Variants in PCSK5 observed in about 807,000 individuals in gnomAD.
PCSK5 encodes prohormone convertase 5.
A neutral mutation model predicts 233.2 loss-of-function variants in PCSK5; 129 were observed. That is an observed-to-expected ratio of 0.55 (90% CI 0.48 to 0.64). The LOEUF (loss-of-function observed/expected upper bound fraction) is 0.64. Among genes scored for constraint, PCSK5 ranks in the 30% least tolerant of loss-of-function variants. The pLI, the probability that PCSK5 is intolerant of heterozygous loss-of-function variation, is 0.00. For synonymous variants in PCSK5, 825 were observed against 879.2 expected, an observed-to-expected ratio of 0.94 and a Z score of 1.09; for missense variants, 2,076 against 2,430.1, an observed-to-expected ratio of 0.85 and a Z score of 3.06.
intron 33 of PCSK5, 70 bp downstream of exon 33, chr9:76,328,309 T>C: frequency 4.6e-6 from 5 of 1,089,688 alleles, no homozygotes; most frequent in Non-Finnish European, 7.1e-6. Context: ...CACTGCCTTG[T>C]CCAGTAGATA....
At chr9:76,193,009 C>T (rs1205082822) in intron 20 of PCSK5, among the ~76,000 whole-genome samples, 2 of 150,844 alleles carry the variant, frequency 1.3e-5, no homozygotes, top group African/African-American at 2.4e-5. Flanking sequence ...AAATGGATAC[C>T]AATTACATTT....
At chr9:76,118,760 A>G (rs1022894154) in intron 9 of PCSK5, among the ~76,000 whole-genome samples, 3 of 152,026 alleles carry the variant, frequency 2.0e-5, no homozygotes, top group Non-Finnish European at 4.4e-5. Flanking sequence ...ATATATATAA[A>G]TCATGCAGAC....
chr9:75,950,622 T>G (rs1390119299), intron 2 of PCSK5, among the ~76,000 whole-genome samples: 2 of 152,132 alleles, frequency 1.3e-5, no homozygotes, highest in Non-Finnish European at 2.9e-5. Flanking sequence ...TAAAATACTT[T>G]ACAGACAAGC....
At chr9:76,043,928 T>C (rs1432550460) in intron 5 of PCSK5, among the ~76,000 whole-genome samples, 1 of 152,144 alleles carries the variant, frequency 6.6e-6, no homozygotes, top group African/African-American at 2.4e-5. Flanking sequence ...CCAAAATCAG[T>C]CAGTCTTTCT....
intron 5 of PCSK5, among the ~76,000 whole-genome samples, chr9:76,064,983 G>A (rs554787724): frequency 1.3e-5 from 2 of 152,326 alleles, no homozygotes; most frequent in African/African-American, 4.8e-5. Flanking sequence ...CACTGCATCT[G>A]GCCAGGATTT....
chr9:76,213,105 C>T (rs1323888644), intron 20 of PCSK5, among the ~76,000 whole-genome samples: 2 of 152,212 alleles, frequency 1.3e-5, no homozygotes, highest in Non-Finnish European at 2.9e-5. Context: ...CTAAGCCCCA[C>T]GGGGTTTCAC....
chr9:76,332,631 C>T (rs761652452), intron 34 of PCSK5, 21 bp downstream of exon 34: 2 of 1,519,806 alleles, frequency 1.3e-6, no homozygotes, highest in East Asian at 4.9e-5. Flanking sequence ...AATACATTTT[C>T]CCCCATGTAA....
At chr9:76,304,093 A>G (rs1362356131) in intron 28 of PCSK5, among the ~76,000 whole-genome samples, 1 of 152,084 alleles carries the variant, frequency 6.6e-6, no homozygotes, top group Non-Finnish European at 1.5e-5. Flanking sequence ...AATCGCTTGA[A>G]CCTGGGAGGT....
chr9:76,111,553 G>T (rs1832215711), intron 9 of PCSK5, among the ~76,000 whole-genome samples: 1 of 152,130 alleles, frequency 6.6e-6, no homozygotes, highest in African/African-American at 2.4e-5. Flanking sequence ...ATTTTTATTG[G>T]TTCAGAATGT....
chr9:76,130,761 ACT>A (rs1394491547), intron 9 of PCSK5, among the ~76,000 whole-genome samples: 8 of 151,956 alleles, frequency 5.3e-5, no homozygotes, highest in Admixed American at 5.3e-4. Flanking sequence ...TATAAATGTG[ACT>A]CTCTTCATAT....
intron 5 of PCSK5, among the ~76,000 whole-genome samples, chr9:76,063,203 T>C (rs1035198102): frequency 1.3e-5 from 2 of 151,734 alleles, no homozygotes; most frequent in Non-Finnish European, 2.9e-5. Context: ...GGCATGATCA[T>C]GGTTCACTGC....
intron 33 of PCSK5, among the ~76,000 whole-genome samples, chr9:76,329,607 G>A (rs1829468207): frequency 6.6e-6 from 1 of 152,062 alleles, no homozygotes. Context: ...GGCTGAGGTG[G>A]GCAGATCATG....
chr9:76,320,567 T>C (rs544155577), intron 30 of PCSK5, among the ~76,000 whole-genome samples: 1 of 140,504 alleles, frequency 7.1e-6, no homozygotes, highest in South Asian at 2.5e-4. Flanking sequence ...TCTGCCTTCC[T>C]GGTTCAAGCA....
intron 5 of PCSK5, among the ~76,000 whole-genome samples, chr9:76,061,532 A>G (rs899138838): frequency 1.6e-4 from 24 of 152,308 alleles, no homozygotes; most frequent in African/African-American, 4.6e-4. Flanking sequence ...CATTAAAGGA[A>G]TTACACATTT....
Position 76,358,948 on chromosome 9 carries a change from C to T in PCSK5, c.*26C>T, listed in dbSNP as rs774518843. ...ACAGGCACTCCCCCACCAACACCAC[C>T]ATTCCACTCTCAGGCATGCCTGTGA... is the stretch of plus-strand genomic sequence containing the variant. On this transcript the variant is annotated 3_prime_UTR_variant, in exon 38 of 38. Transcript: ENST00000674117. The T allele has an allele frequency of 6.3e-7, 1 of 1,597,820 alleles. No homozygotes were observed. The highest frequency in any genetic ancestry group is 1.7e-5 in the Admixed American group (1 of 59,732).
In PCSK5 at chr9:76,343,037, C is replaced by T. The variant is rs375724529; in HGVS notation, c.4966+4590C>T. Among the ~76,000 whole-genome samples, 8 of 152,138 alleles carry T rather than the reference C, an allele frequency of 5.3e-5. No homozygotes were observed. The South Asian group carries it at 1.0e-3, about 20-fold the overall frequency. On this transcript the variant is annotated intron_variant, in intron 35 of 37. Coordinates refer to ENST00000674117, the MANE Select transcript of PCSK5 (RefSeq NM_001372043.1). The stretch of plus-strand genomic sequence containing the variant: ...CCAATTATTTATTTAATTGGTCTTC[C>T]TACCTTTAGCATTAGTCACCCTGTA...
intron 1 of PCSK5, among the ~76,000 whole-genome samples, chr9:75,922,522 AG>A (rs1823300433): frequency 6.6e-6 from 1 of 152,208 alleles, no homozygotes; most frequent in Admixed American, 6.5e-5. Flanking sequence ...AAGACCCAGT[AG>A]GGATGTGTTG....
intron 9 of PCSK5, among the ~76,000 whole-genome samples, chr9:76,130,462 T>G (rs1395604788): frequency 1.3e-5 from 2 of 152,200 alleles, no homozygotes; most frequent in Non-Finnish European, 2.9e-5. Context: ...ACTTACTACC[T>G]GTGTATTTGA....
intron 7 of PCSK5, among the ~76,000 whole-genome samples, chr9:76,082,463 T>TTCATTTATTCC: frequency 6.6e-6 from 1 of 152,232 alleles, no homozygotes; most frequent in Non-Finnish European, 1.5e-5. Flanking sequence ...CCTGGTTGCA[T>TTCATTTATTCC]TGAAGAGGCA....
Sources: gnomAD v4.1 joint callset for allele counts (sites outside exome capture counted in the v4.1 genomes callset) on GRCh38, gnomAD v4.1.1 for gene constraint, MANE v1.5 for transcripts, NCBI Gene and HGNC (gene_info 2026-07-23, HGNC 2026-07-21) for gene names.